Variants in TTLL1 observed in about 807,000 individuals in gnomAD.
TTLL1 encodes the protein polyglutamylase complex subunit TTLL1.
A neutral mutation model predicts 47.8 loss-of-function variants in TTLL1; 33 were observed. The observed-to-expected ratio is 0.69, with a 90% CI of 0.52 to 0.92. The LOEUF (loss-of-function observed/expected upper bound fraction) is 0.92. Ranked by LOEUF, TTLL1 falls within the 40% of genes least tolerant of loss-of-function variation. TTLL1 has a pLI of 0.00. For synonymous variants in TTLL1, 225 were observed against 214.1 expected (o/e 1.05, Z -0.45); for missense variants, 488 against 547.5 (o/e 0.89, Z 1.08).
At chr22:43,083,973 T>A (rs76377085) in intron 1 of TTLL1, among the ~76,000 whole-genome samples, 1,827 of 152,312 alleles carry the variant, frequency 0.012, 42 homozygotes, top group African/African-American at 0.042. Context: ...GCAGTTTGGT[T>A]AATTTCCTTG....
At chr22:43,053,393 A>G (rs1161943918) in intron 8 of TTLL1, among the ~76,000 whole-genome samples, 1 of 152,240 alleles carries the variant, frequency 6.6e-6, no homozygotes, top group Non-Finnish European at 1.5e-5. Flanking sequence ...GCGGAATTAC[A>G]TTTAAACTAA....
At position 43,069,621 on chromosome 22, in the gene TTLL1, G is replaced by A. The variant is rs375934004; in HGVS notation, c.322+15C>T. 3 of 1,613,950 alleles carry A rather than the reference G, an allele frequency of 1.9e-6. No homozygotes were observed. The African/African-American group carries it at 4.0e-5, about 22-fold the overall frequency. On this transcript the variant is annotated intron_variant, in intron 4 of 10. Coordinates refer to ENST00000266254, the MANE Select transcript of TTLL1 (RefSeq NM_012263.5). ...CTGTTTACTGAAAACATGAGCCGGT[G>A]GAAGACGCACAAACCCAGATAGAGG...
Position 43,069,494 on chromosome 22 carries a change from C to A in TTLL1, c.322+142G>T, listed in dbSNP as rs1927969221. ...CTCCTTCTCCCTCATTCTGGAGACA[C>A]CTGAAATGAAACAGGTGCCACCACA... On this transcript the variant is annotated intron_variant, in intron 4 of 10. Transcript: ENST00000266254. 1.2e-5 allele frequency: 17 copies of A among 1,447,888 alleles called. No homozygotes were observed. In the South Asian group the frequency reaches 2.3e-4, roughly 20 times the overall value. The allele number at this position is 1,447,888 out of a possible 1,614,324, so 89.7% of individuals were successfully genotyped here.
chr22:43,072,878 C>T (rs1398803672), intron 3 of TTLL1, among the ~76,000 whole-genome samples: 2 of 152,038 alleles, frequency 1.3e-5, no homozygotes, highest in Non-Finnish European at 2.9e-5. Flanking sequence ...GCCACTGTGC[C>T]CAAGAGTTCT....
intron 1 of TTLL1, among the ~76,000 whole-genome samples, chr22:43,082,636 A>C (rs1252877066): frequency 6.6e-6 from 1 of 151,646 alleles, no homozygotes; most frequent in Non-Finnish European, 1.5e-5. Flanking sequence ...GAATTGCTTG[A>C]ACCCAGGAGG....
intron 5 of TTLL1, 130 bp from the exon 6 acceptor site, chr22:43,064,454 G>C (rs533001150): frequency 9.5e-7 from 1 of 1,057,900 alleles, no homozygotes; most frequent in South Asian, 1.7e-5. Flanking sequence ...GGCTGGGCGC[G>C]GTGGCTCACG....
At chr22:43,078,761 T>C (rs1928675287) in intron 2 of TTLL1, among the ~76,000 whole-genome samples, 1 of 152,018 alleles carries the variant, frequency 6.6e-6, no homozygotes, top group South Asian at 2.1e-4. Flanking sequence ...GGTGATCCGA[T>C]ATGGTGCACG....
At chr22:43,046,787 A>T (rs1181793551) in intron 9 of TTLL1, among the ~76,000 whole-genome samples, 4 of 152,114 alleles carry the variant, frequency 2.6e-5, no homozygotes, top group Admixed American at 2.0e-4. Context: ...CTCCTGCCTC[A>T]GCCTCCTGAG....
At chr22:43,075,391 G>T in intron 3 of TTLL1, 83 bp downstream of exon 3, 1 of 1,151,230 alleles carries the variant, frequency 8.7e-7, no homozygotes, top group Non-Finnish European at 1.3e-6. Context: ...TGGCTCTGAG[G>T]CCACTCTCTG....
intron 1 of TTLL1, among the ~76,000 whole-genome samples, chr22:43,088,935 G>C (rs79147474): frequency 2.6e-5 from 4 of 152,252 alleles, no homozygotes; most frequent in Non-Finnish European, 5.9e-5. Flanking sequence ...CAGGTACATT[G>C]CGCCCTGCAA....
intron 8 of TTLL1, among the ~76,000 whole-genome samples, chr22:43,056,870 G>A (rs1029969321): frequency 6.6e-6 from 1 of 152,144 alleles, no homozygotes; most frequent in Non-Finnish European, 1.5e-5. Flanking sequence ...GTGGCTCACT[G>A]TACCCTCAAA....
chr22:43,062,691 T>C (rs1367599917), intron 7 of TTLL1, among the ~76,000 whole-genome samples: 1 of 151,778 alleles, frequency 6.6e-6, no homozygotes, highest in African/African-American at 2.4e-5. Context: ...TAGCCAGGCA[T>C]GGTGACACAT....
intron 5 of TTLL1, among the ~76,000 whole-genome samples, chr22:43,065,290 TTA>T (rs758170333): frequency 6.6e-6 from 1 of 151,766 alleles, no homozygotes; most frequent in African/African-American, 2.4e-5. Context: ...CAATTTTTAT[TTA>T]TATATATATA....
chr22:43,044,865 CTTT>C (rs61161449), intron 10 of TTLL1, among the ~76,000 whole-genome samples: 2 of 143,428 alleles, frequency 1.4e-5, no homozygotes, highest in Non-Finnish European at 3.1e-5. Context: ...TGGGTCAATC[CTTT>C]TTTTTTTTTT....
chr22:43,065,120 G>A lies in TTLL1; in HGVS notation c.504-796C>T, dbSNP rs145146936. On this transcript the variant is annotated intron_variant, in intron 5 of 10. Transcript: ENST00000266254. ...AGATCCTGCCACCGCACTCCAGCCTGGGCAATAGAGCAAGACTCCATCTCA... is the reference window on the plus strand; with the variant it reads ...AGATCCTGCCACCGCACTCCAGCCTAGGCAATAGAGCAAGACTCCATCTCA... Among the ~76,000 whole-genome samples, 161 of 151,984 alleles carry A rather than the reference G, an allele frequency of 1.1e-3. 2 individuals are homozygous for A. In the East Asian group the frequency reaches 0.027, roughly 26 times the overall value.
rs759677229 is a variant in TTLL1, at chr22:43,039,788, G to A, written c.1260C>T (p.Thr420=). 2 of 1,612,206 alleles carry A rather than the reference G, an allele frequency of 1.2e-6. No individual in the cohort carries two copies. The highest frequency in any genetic ancestry group is 1.7e-6 in the Non-Finnish European group (2 of 1,178,796). ...RSRDSGRAVL[T]TWK ...GTCCAGGTGGGACTCACTTCCAGGT[G>A]GTGAGGACCGCTCTCCCCGAGTCTC... The change falls in exon 11 of 11, where the codon ACC becomes ACT. Residue 420 remains threonine, a synonymous_variant. Coordinates refer to ENST00000266254, the MANE Select transcript of TTLL1 (RefSeq NM_012263.5).
intron 3 of TTLL1, among the ~76,000 whole-genome samples, chr22:43,074,441 AAAAAAG>A (rs1241991876): frequency 1.3e-5 from 2 of 151,554 alleles, no homozygotes; most frequent in African/African-American, 4.8e-5. Flanking sequence ...AAAAAAAAAA[AAAAAAG>A]AAAGAAAGAA....
At chr22:43,056,796 A>C (rs1450867579) in intron 8 of TTLL1, among the ~76,000 whole-genome samples, 1 of 151,676 alleles carries the variant, frequency 6.6e-6, no homozygotes, top group African/African-American at 2.4e-5. Flanking sequence ...AAAACAAAAC[A>C]AAACAAAAAC....
intron 10 of TTLL1, among the ~76,000 whole-genome samples, chr22:43,044,575 A>G (rs1000061890): frequency 1.3e-5 from 2 of 152,156 alleles, no homozygotes; most frequent in Non-Finnish European, 2.9e-5. Flanking sequence ...CTGTGACAGA[A>G]GCATGTAACT....
Sources: allele counts gnomAD v4.1 joint callset (sites outside exome capture counted in the v4.1 genomes callset), GRCh38; gene constraint gnomAD v4.1.1; transcripts MANE v1.5; gene names NCBI Gene and HGNC (gene_info 2026-07-23, HGNC 2026-07-21).